LRRTM4: variants seen among roughly 807,000 people sequenced by gnomAD.
LRRTM4 encodes leucine rich repeat transmembrane neuronal 4, also known as leucine-rich repeat transmembrane neuronal protein 4.
LRRTM4 carries 25 observed loss-of-function variants against 47.6 expected under a neutral mutation model. That is an observed-to-expected ratio of 0.53 (90% CI 0.38 to 0.73). LRRTM4 has a LOEUF of 0.73. LRRTM4 is among the 30% of genes least tolerant of loss of function. The probability of loss-of-function intolerance (pLI) is 0.00; values close to 1 mark genes in which losing one functional copy is unlikely to be tolerated. For missense variants in LRRTM4, 638 were observed against 713.4 expected, an observed-to-expected ratio of 0.89 and a Z score of 1.20; for synonymous variants, 311 against 269.5, an observed-to-expected ratio of 1.15 and a Z score of -1.51.
chr2:77,519,389 G>A lies in LRRTM4; in HGVS notation c.480C>T (p.Ile160=). Residue 160 remains isoleucine, a synonymous_variant, in exon 3 of 4, where the codon ATC becomes ATT. Coordinates refer to ENST00000409884, the MANE Select transcript of LRRTM4 (RefSeq NM_001134745.3). The surrounding 1 kb of genome is among the most constrained non-coding windows in gnomAD (Gnocchi z 4.6). Reference sequence around the variant, plus strand: ...GTGAGTTAGATCTCAAGTGCAAAATGATGAGTTTCCGAAGGCCTTTAAATT... The same window carrying A: ...GTGAGTTAGATCTCAAGTGCAAAATAATGAGTTTCCGAAGGCCTTTAAATT... ...SEQFKGLRKL[I]ILHLRSNSLK... The A allele has an allele frequency of 2.5e-6, 4 of 1,613,408 alleles. No homozygotes were observed. The highest frequency in any genetic ancestry group is 4.5e-5 in the East Asian group (2 of 44,848).
At chr2:77,076,373 T>C (rs1467888811) in intron 3 of LRRTM4, among the ~76,000 whole-genome samples, 2 of 152,114 alleles carry the variant, frequency 1.3e-5, no homozygotes, top group South Asian at 4.1e-4. Flanking sequence ...GAGTCCCTAA[T>C]GGAATGTAAT....
In LRRTM4 at chr2:77,029,501, C is replaced by T. The variant is rs150301666; in HGVS notation, c.1552-280585G>A. Among the ~76,000 whole-genome samples, 33 of 152,142 alleles carry T rather than the reference C, an allele frequency of 2.2e-4. No individual in the cohort carries two copies. In the East Asian group the frequency reaches 6.4e-3, roughly 30 times the overall value. On this transcript the variant is annotated intron_variant, in intron 3 of 3. Transcript: ENST00000409884. ...TGCAGCATGGGAGAAAGATGAAGGC[C>T]AGAAAATTCAGTTAAGTCTCCACAT... is the stretch of plus-strand genomic sequence containing the variant.
intron 3 of LRRTM4, among the ~76,000 whole-genome samples, chr2:76,960,771 C>T (rs1675830923): frequency 6.6e-6 from 1 of 151,378 alleles, no homozygotes; most frequent in Non-Finnish European, 1.5e-5. Flanking sequence ...AACTGTAAGC[C>T]TTTTTATATA....
intron 3 of LRRTM4, among the ~76,000 whole-genome samples, chr2:76,902,385 T>G (rs996617333): frequency 6.6e-6 from 1 of 152,224 alleles, no homozygotes; most frequent in Non-Finnish European, 1.5e-5. Flanking sequence ...CCAATTATAC[T>G]TGAAACATTA....
intron 3 of LRRTM4, among the ~76,000 whole-genome samples, chr2:76,794,447 A>G (rs1675150502): frequency 2.0e-5 from 3 of 152,220 alleles, no homozygotes; most frequent in Admixed American, 2.0e-4. Flanking sequence ...ATTTTGTTAT[A>G]GTTGTGAACA....
intron 3 of LRRTM4, among the ~76,000 whole-genome samples, chr2:77,271,521 C>T (rs761193218): frequency 7.9e-5 from 12 of 152,060 alleles, no homozygotes; most frequent in East Asian, 1.9e-4. Context: ...AGGTTGAGTG[C>T]GGGGGGCCAA....
At chr2:76,967,846 C>T (rs1358618175) in intron 3 of LRRTM4, among the ~76,000 whole-genome samples, 1 of 151,200 alleles carries the variant, frequency 6.6e-6, no homozygotes, top group Non-Finnish European at 1.5e-5. Context: ...TGTAAATACT[C>T]ATGCTATAAT....
At chr2:76,927,221 C>A (rs565642682) in intron 3 of LRRTM4, among the ~76,000 whole-genome samples, 2 of 152,154 alleles carry the variant, frequency 1.3e-5, no homozygotes, top group Admixed American at 1.3e-4. Flanking sequence ...TAGGAGTTAC[C>A]ATATTCTTAC....
intron 3 of LRRTM4, among the ~76,000 whole-genome samples, chr2:76,964,820 A>G (rs1675971519): frequency 6.6e-6 from 1 of 150,840 alleles, no homozygotes; most frequent in Admixed American, 6.6e-5. Flanking sequence ...AGAGAGAGAT[A>G]GAAGACAAAA....
At chr2:77,036,142 A>G (rs1451602025) in intron 3 of LRRTM4, among the ~76,000 whole-genome samples, 1 of 151,948 alleles carries the variant, frequency 6.6e-6, no homozygotes, top group Non-Finnish European at 1.5e-5. Flanking sequence ...GTAGACCACA[A>G]AACAGAAACA....
chr2:77,059,207 A>G (rs1416976688), intron 3 of LRRTM4, among the ~76,000 whole-genome samples: 1 of 152,204 alleles, frequency 6.6e-6, no homozygotes, highest in Non-Finnish European at 1.5e-5. Context: ...CTGAAAGAAT[A>G]CACTTCAAAA....
intron 3 of LRRTM4, among the ~76,000 whole-genome samples, chr2:76,988,846 A>C (rs1465143643): frequency 6.6e-6 from 1 of 151,616 alleles, no homozygotes; most frequent in Non-Finnish European, 1.5e-5. Flanking sequence ...AAAACTATTA[A>C]TTCTTTTCTG....
intron 3 of LRRTM4, among the ~76,000 whole-genome samples, chr2:76,827,404 T>G (rs983913173): frequency 6.6e-6 from 1 of 151,824 alleles, no homozygotes; most frequent in Non-Finnish European, 1.5e-5. Flanking sequence ...TCAGTAGATA[T>G]GCATTGATGG....
At chr2:77,399,919 CT>C (rs958626116) in intron 3 of LRRTM4, among the ~76,000 whole-genome samples, 74 of 151,856 alleles carry the variant, frequency 4.9e-4, no homozygotes, top group Non-Finnish European at 1.5e-4. Flanking sequence ...AGTCAGACAT[CT>C]GGGCTTGAAA....
At chr2:77,293,573 T>C (rs918484761) in intron 3 of LRRTM4, among the ~76,000 whole-genome samples, 1 of 152,164 alleles carries the variant, frequency 6.6e-6, no homozygotes, top group Non-Finnish European at 1.5e-5. Flanking sequence ...ATATGCATTT[T>C]TGACAGACAG....
intron 3 of LRRTM4, among the ~76,000 whole-genome samples, chr2:77,175,923 T>C (rs1673183486): frequency 6.6e-6 from 1 of 151,666 alleles, no homozygotes; most frequent in Non-Finnish European, 1.5e-5. Flanking sequence ...TCTCTCAAAG[T>C]GCTGGGATTA....
chr2:77,108,804 C>T (rs1215748132), intron 3 of LRRTM4, among the ~76,000 whole-genome samples: 3 of 152,088 alleles, frequency 2.0e-5, no homozygotes, highest in African/African-American at 7.2e-5. Context: ...GGGATGGTCT[C>T]GATCTCCTGA....
At chr2:76,781,415 C>A (rs375118041) in intron 3 of LRRTM4, among the ~76,000 whole-genome samples, 3 of 152,246 alleles carry the variant, frequency 2.0e-5, no homozygotes, top group Non-Finnish European at 2.9e-5. Flanking sequence ...ACTCCGTGGG[C>A]GTAGGACCCT....
At chr2:76,954,295 C>A (rs1356052354) in intron 3 of LRRTM4, among the ~76,000 whole-genome samples, 1 of 151,498 alleles carries the variant, frequency 6.6e-6, no homozygotes, top group Non-Finnish European at 1.5e-5. Context: ...AAAAAGATGA[C>A]CAATAAGCTC....
Sources: gnomAD v4.1 joint callset for allele counts (sites outside exome capture counted in the v4.1 genomes callset) on GRCh38, gnomAD v4.1.1 for gene constraint, Gnocchi (gnomAD v3.1) non-coding constraint, MANE v1.5 for transcripts, NCBI Gene and HGNC (gene_info 2026-07-23, HGNC 2026-07-21) for gene names.